Variants in PTPRG observed in about 807,000 individuals in gnomAD.
The protein encoded by PTPRG is protein tyrosine phosphatase receptor type G.
A neutral mutation model predicts 165.3 loss-of-function variants in PTPRG; 102 were observed. The observed-to-expected ratio is 0.62, with a 90% confidence interval of 0.53 to 0.73. The LOEUF is 0.73. PTPRG is among the 30% of genes least tolerant of loss of function. The probability of loss-of-function intolerance (pLI) is 0.00; values close to 1 mark genes in which losing one functional copy is unlikely to be tolerated. For missense variants in PTPRG, 1,866 were observed against 1,861.4 expected (o/e 1.00, Z -0.05); for synonymous variants, 675 against 669.5 (o/e 1.01, Z -0.13).
chr3:61,882,598 G>C (rs1455886270), intron 2 of PTPRG, among the ~76,000 whole-genome samples: 1 of 152,164 alleles, frequency 6.6e-6, no homozygotes, highest in Admixed American at 6.5e-5. Context: ...ATACTTCCAT[G>C]AATGTCAAAA....
intron 12 of PTPRG, among the ~76,000 whole-genome samples, chr3:62,216,357 T>G (rs1238541699): frequency 6.6e-6 from 1 of 152,174 alleles, no homozygotes. Context: ...TTGCATTCTT[T>G]GTAGCAGCAC....
At chr3:62,041,098 T>C (rs1183339368) in intron 4 of PTPRG, among the ~76,000 whole-genome samples, 1 of 152,230 alleles carries the variant, frequency 6.6e-6, no homozygotes, top group Non-Finnish European at 1.5e-5. Context: ...TACCTGATGC[T>C]TGTGGTGGTT....
intron 1 of PTPRG, among the ~76,000 whole-genome samples, chr3:61,678,608 A>T (rs1175643096): frequency 6.6e-6 from 1 of 152,138 alleles, no homozygotes; most frequent in Admixed American, 6.5e-5. Flanking sequence ...CCTGGTAAAA[A>T]GTTCCCTGGC....
intron 9 of PTPRG, 111 bp downstream of exon 9, chr3:62,191,764 C>G: frequency 8.9e-7 from 1 of 1,126,046 alleles, no homozygotes; most frequent in Non-Finnish European, 1.3e-6. Flanking sequence ...TGTCCTCACA[C>G]TGTCTGGTGA....
rs565666221 is a variant in PTPRG at position 61,640,825 on chromosome 3, A to G, written c.85+78453A>G. ...TGGTTTCTTCTTGGATCACTTTCTGAATATAATGGATCTGGAGTACAGGGC... is the reference window on the plus strand; with the variant it reads ...TGGTTTCTTCTTGGATCACTTTCTGGATATAATGGATCTGGAGTACAGGGC... On this transcript the variant is annotated intron_variant, in intron 1 of 29. Transcript: ENST00000474889. Among the ~76,000 whole-genome samples, 52 of 152,322 alleles carry G rather than the reference A, an allele frequency of 3.4e-4. No homozygotes were observed. In the South Asian group the frequency reaches 0.011, roughly 32 times the overall value.
chr3:61,589,403 C>T (rs2106817832), intron 1 of PTPRG, among the ~76,000 whole-genome samples: 1 of 152,270 alleles, frequency 6.6e-6, no homozygotes, highest in East Asian at 1.9e-4. Flanking sequence ...TTAATTTAAT[C>T]TTTGCCCCAA....
At position 61,812,492 on chromosome 3, in the gene PTPRG, T is replaced by C. The variant is rs188930396; in HGVS notation, c.190+63510T>C. Among the ~76,000 whole-genome samples, 6 of 152,358 alleles carry C rather than the reference T, an allele frequency of 3.9e-5. No homozygotes were observed. In the East Asian group the frequency reaches 1.2e-3, roughly 29 times the overall value. ...TTTAAGCCCAGATTTGTCATTAAACTTCCTAAGTTTCCACATACTGCCTCT... is the reference window on the plus strand; with the variant it reads ...TTTAAGCCCAGATTTGTCATTAAACCTCCTAAGTTTCCACATACTGCCTCT... On this transcript the variant is annotated intron_variant, in intron 2 of 29. Transcript: ENST00000474889.
At chr3:62,017,248 C>T (rs1281087531) in intron 4 of PTPRG, among the ~76,000 whole-genome samples, 1 of 152,260 alleles carries the variant, frequency 6.6e-6, no homozygotes, top group South Asian at 2.1e-4. Context: ...AGAATGAAAA[C>T]TTTTAATTCT....
At chr3:61,943,017 C>T (rs185591272) in intron 2 of PTPRG, among the ~76,000 whole-genome samples, 44 of 152,118 alleles carry the variant, frequency 2.9e-4, no homozygotes, top group Admixed American at 2.8e-3. Flanking sequence ...TTGCCAGGTG[C>T]AGAATGGGGA....
intron 1 of PTPRG, among the ~76,000 whole-genome samples, chr3:61,704,041 C>T (rs1274301515): frequency 6.6e-6 from 1 of 152,174 alleles, no homozygotes; most frequent in East Asian, 1.9e-4. Context: ...CATACTCCAG[C>T]TCTACCCCCA....
chr3:62,186,654 C>T (rs1302688689), intron 8 of PTPRG, among the ~76,000 whole-genome samples: 1 of 149,444 alleles, frequency 6.7e-6, no homozygotes, highest in East Asian at 2.0e-4. Context: ...GCAACCTTCA[C>T]TTCTTGGGTT....
chr3:61,931,730 C>A (rs1399210430), intron 2 of PTPRG, among the ~76,000 whole-genome samples: 4 of 152,174 alleles, frequency 2.6e-5, no homozygotes, highest in Admixed American at 1.3e-4. Flanking sequence ...CACCTCCATT[C>A]CCCTCAAAAC....
At chr3:61,757,862 G>A (rs762328695) in intron 2 of PTPRG, among the ~76,000 whole-genome samples, 23 of 152,208 alleles carry the variant, frequency 1.5e-4, no homozygotes, top group African/African-American at 4.3e-4. Context: ...AGGGGTGTGC[G>A]CGTGGGTGGA....
At chr3:62,175,331 G>T (rs116128229) in intron 8 of PTPRG, among the ~76,000 whole-genome samples, 1 of 152,194 alleles carries the variant, frequency 6.6e-6, no homozygotes, top group African/African-American at 2.4e-5. Flanking sequence ...AGGCTAGCAA[G>T]AGAGCCGAGT....
At chr3:61,728,268 T>C (rs191148004) in intron 1 of PTPRG, among the ~76,000 whole-genome samples, 2 of 152,236 alleles carry the variant, frequency 1.3e-5, no homozygotes, top group Non-Finnish European at 2.9e-5. Context: ...AAGGATACTG[T>C]GAGGAGTAAA....
intron 1 of PTPRG, among the ~76,000 whole-genome samples, chr3:61,592,093 C>T (rs886321026): frequency 6.6e-6 from 1 of 151,972 alleles, no homozygotes; most frequent in Non-Finnish European, 1.5e-5. Flanking sequence ...CCTGCCTCAG[C>T]CTCCCGAGCA....
chr3:61,968,851 GT>G (rs2040328181), intron 2 of PTPRG, among the ~76,000 whole-genome samples: 1 of 152,162 alleles, frequency 6.6e-6, no homozygotes. Flanking sequence ...TGCTATGGCA[GT>G]TGGTCAACTT....
At chr3:62,123,759 A>AAT (rs1418087191) in intron 5 of PTPRG, among the ~76,000 whole-genome samples, 2 of 152,124 alleles carry the variant, frequency 1.3e-5, no homozygotes, top group Non-Finnish European at 2.9e-5. Flanking sequence ...TTTATATATA[A>AAT]ATATATACAC....
chr3:61,634,833 AT>A (rs1701863068), intron 1 of PTPRG, among the ~76,000 whole-genome samples: 1 of 152,192 alleles, frequency 6.6e-6, no homozygotes, highest in South Asian at 2.1e-4. Flanking sequence ...ATGTGATGCC[AT>A]ATCTGATATG....
Sources: allele counts gnomAD v4.1 joint callset (sites outside exome capture counted in the v4.1 genomes callset), GRCh38; gene constraint gnomAD v4.1.1; transcripts MANE v1.5; gene names NCBI Gene and HGNC (gene_info 2026-07-23, HGNC 2026-07-21).